Variants in SLC35F3 observed in about 807,000 individuals in gnomAD.
SLC35F3 encodes the protein putative thiamine transporter SLC35F3.
In SLC35F3, 25 loss-of-function variants were observed where a neutral mutation model predicts 49.9. The observed-to-expected ratio is 0.50, with a 90% CI of 0.37 to 0.70. SLC35F3 has a LOEUF of 0.70. Ranked by LOEUF, SLC35F3 falls within the 30% of genes least tolerant of loss-of-function variation. The probability of loss-of-function intolerance (pLI) is 0.00; values close to 1 mark genes in which losing one functional copy is unlikely to be tolerated. For missense variants in SLC35F3, 525 were observed against 639.8 expected (o/e 0.82, Z 1.94); for synonymous variants, 275 against 265.4 (o/e 1.04, Z -0.35).
intron 2 of SLC35F3, among the ~76,000 whole-genome samples, chr1:234,138,948 A>T (rs1319616806): frequency 6.6e-6 from 1 of 152,178 alleles, no homozygotes; most frequent in African/African-American, 2.4e-5. Context: ...CAGTTTTGTC[A>T]TCTTTCTGGT....
chr1:234,297,236 G>A (rs1330996517), intron 3 of SLC35F3, among the ~76,000 whole-genome samples: 1 of 152,214 alleles, frequency 6.6e-6, no homozygotes, highest in African/African-American at 2.4e-5. Context: ...ATGGAAAACA[G>A]TATGGAGATA....
rs1195925999 is a variant in SLC35F3 at position 234,320,063 on chromosome 1, T to C, written c.1148-35T>C. On this transcript the variant is annotated intron_variant, in intron 6 of 7. Coordinates refer to ENST00000366618, the MANE Select transcript of SLC35F3 (RefSeq NM_173508.4). The surrounding 1 kb of genome is among the most constrained non-coding windows in gnomAD (Gnocchi z 4.8). ...AGGGAGGTAAAGTACACAGCAGTCATGAATAACACTCGTTGTTTACATTCT... is the reference window on the plus strand; with the variant it reads ...AGGGAGGTAAAGTACACAGCAGTCACGAATAACACTCGTTGTTTACATTCT... 1.4e-6 allele frequency: 2 copies of C among 1,461,494 alleles called. No homozygotes were observed. Among genetic ancestry groups the C allele is most frequent in the African/African-American group, 1.4e-5 (1 of 71,758 alleles). The allele number at this position is 1,461,494 out of a possible 1,614,324, so 90.5% of individuals were successfully genotyped here.
At chr1:233,954,856 T>G (rs1454839199) in intron 2 of SLC35F3, among the ~76,000 whole-genome samples, 1 of 152,166 alleles carries the variant, frequency 6.6e-6, no homozygotes, top group Non-Finnish European at 1.5e-5. Context: ...ATTTTTTTTC[T>G]TTTTTGAGAT....
chr1:234,184,026 A>T (rs1666598237), intron 2 of SLC35F3, among the ~76,000 whole-genome samples: 1 of 152,102 alleles, frequency 6.6e-6, no homozygotes, highest in African/African-American at 2.4e-5. Flanking sequence ...GTTCAAATTC[A>T]CATTGGTTAC....
chr1:234,066,083 G>C lies in SLC35F3; in HGVS notation c.283+160325G>C, dbSNP rs891448838. ...ATCAATGGGAATGGTTTGGGGTCCA[G>C]TAGCTCGCTGGAGAAAAAATAATTA... On this transcript the variant is annotated intron_variant, in intron 2 of 7. Coordinates refer to ENST00000366618, the MANE Select transcript of SLC35F3 (RefSeq NM_173508.4). Among the ~76,000 whole-genome samples, 8 of 152,208 alleles carry C rather than the reference G, an allele frequency of 5.3e-5. No homozygotes were observed. In the East Asian group the frequency reaches 1.5e-3, roughly 29 times the overall value.
chr1:234,105,638 A>G (rs1469528894), intron 2 of SLC35F3, among the ~76,000 whole-genome samples: 1 of 152,214 alleles, frequency 6.6e-6, no homozygotes, highest in Non-Finnish European at 1.5e-5. Context: ...TGAGCTGGAC[A>G]GTAACTGAAT....
At chr1:234,049,070 T>C (rs1278657952) in intron 2 of SLC35F3, among the ~76,000 whole-genome samples, 1 of 152,194 alleles carries the variant, frequency 6.6e-6, no homozygotes, top group African/African-American at 2.4e-5. Context: ...ATATGAAACT[T>C]TGGGCTTTAG....
chr1:234,195,577 A>C (rs1666795903), intron 2 of SLC35F3, among the ~76,000 whole-genome samples: 1 of 152,060 alleles, frequency 6.6e-6, no homozygotes, highest in Non-Finnish European at 1.5e-5. Context: ...TCTTTAAAAG[A>C]TTAGCTTATC....
intron 2 of SLC35F3, among the ~76,000 whole-genome samples, chr1:234,035,058 G>A (rs550651848): frequency 8.8e-4 from 134 of 152,122 alleles, no homozygotes; most frequent in South Asian, 1.2e-3. Flanking sequence ...TGCCTAATGC[G>A]CAGCTGTCAT....
At chr1:234,015,297 G>A (rs1259457404) in intron 2 of SLC35F3, among the ~76,000 whole-genome samples, 4 of 149,214 alleles carry the variant, frequency 2.7e-5, no homozygotes, top group Middle Eastern at 3.4e-3. Context: ...GCAGTGAGCC[G>A]ATATTGTACT....
At chr1:234,091,004 AC>A (rs1356846183) in intron 2 of SLC35F3, among the ~76,000 whole-genome samples, 2 of 152,238 alleles carry the variant, frequency 1.3e-5, no homozygotes, top group African/African-American at 4.8e-5. Flanking sequence ...TTGTTCAAGC[AC>A]CAAAACTTCA....
intron 2 of SLC35F3, among the ~76,000 whole-genome samples, chr1:234,062,844 ATT>A (rs71170448): frequency 2.7e-3 from 362 of 132,454 alleles, no homozygotes; most frequent in African/African-American, 8.5e-3. Context: ...CGCCTGGCTA[ATT>A]TTTTTTTTTT....
At chr1:233,924,017 T>G (rs368235036) in intron 2 of SLC35F3, among the ~76,000 whole-genome samples, 42 of 152,316 alleles carry the variant, frequency 2.8e-4, no homozygotes, top group East Asian at 2.5e-3. Flanking sequence ...GTGGATAAGC[T>G]TTTTGATGTG....
chr1:234,178,352 A>G (rs1421637856), intron 2 of SLC35F3, among the ~76,000 whole-genome samples: 1 of 151,880 alleles, frequency 6.6e-6, no homozygotes. Flanking sequence ...GAATAAGCAC[A>G]CTACATATAT....
chr1:234,259,644 G>A (rs1558276491), intron 3 of SLC35F3, among the ~76,000 whole-genome samples: 3 of 151,840 alleles, frequency 2.0e-5, no homozygotes, highest in Admixed American at 6.6e-5. Context: ...GCTGCACTCC[G>A]GCCTGGGTGA....
At chr1:234,145,977 T>C (rs1665989654) in intron 2 of SLC35F3, among the ~76,000 whole-genome samples, 1 of 152,240 alleles carries the variant, frequency 6.6e-6, no homozygotes, top group Non-Finnish European at 1.5e-5. Context: ...GGAATCTTTT[T>C]CAACTTTTAA....
rs1462761107 is a variant in SLC35F3, at chr1:233,904,742, C to T, written c.-336C>T. Among the ~76,000 whole-genome samples the T allele has an allele frequency of 1.3e-5, 2 of 151,736 alleles. No homozygotes were observed. Among genetic ancestry groups the T allele is most frequent in the Non-Finnish European group, 2.9e-5 (2 of 67,898 alleles). On this transcript the variant is annotated 5_prime_UTR_variant, in exon 1 of 8. Coordinates refer to ENST00000366618, the MANE Select transcript of SLC35F3 (RefSeq NM_173508.4). The stretch of plus-strand genomic sequence containing the variant: ...ACAGCTGGGAGGGCTCTCCCGGTCG[C>T]GGCGAGACTCACGCCTGCGGTGTGC...
At chr1:234,246,679 AC>A (rs1170307387) in intron 3 of SLC35F3, among the ~76,000 whole-genome samples, 10 of 152,184 alleles carry the variant, frequency 6.6e-5, no homozygotes, top group African/African-American at 2.4e-4. Context: ...GTCATGTATA[AC>A]CCAAGTCACA....
intron 2 of SLC35F3, among the ~76,000 whole-genome samples, chr1:234,022,036 T>C (rs1372161364): frequency 6.6e-6 from 1 of 152,194 alleles, no homozygotes; most frequent in Non-Finnish European, 1.5e-5. Context: ...CCAGGGATGA[T>C]AGTGTTCATT....
Sources: gnomAD v4.1 joint callset for allele counts (sites outside exome capture counted in the v4.1 genomes callset) on GRCh38, gnomAD v4.1.1 for gene constraint, Gnocchi (gnomAD v3.1) non-coding constraint, MANE v1.5 for transcripts, NCBI Gene and HGNC (gene_info 2026-07-23, HGNC 2026-07-21) for gene names.